Variants in RNF17 observed in about 807,000 individuals in gnomAD.
RNF17 encodes the protein spermatogenesis associated 23.
Under a neutral mutation model 200.5 loss-of-function variants are expected in RNF17, and 31 were observed. The observed-to-expected ratio is 0.15, with a 90% CI of 0.12 to 0.21. The LOEUF (loss-of-function observed/expected upper bound fraction) is 0.21, where lower values mean the gene tolerates loss of function less well. Among genes scored for constraint, RNF17 ranks in the 10% least tolerant of loss-of-function variants. RNF17 has a pLI of 1.00. For missense variants in RNF17, 1,628 were observed against 1,905.1 expected, an observed-to-expected ratio of 0.85 and a Z score of 2.71; for synonymous variants, 606 against 637.8, an observed-to-expected ratio of 0.95 and a Z score of 0.75.
At chr13:24,769,543 C>T (rs1250914982) in intron 2 of RNF17, among the ~76,000 whole-genome samples, 1 of 152,072 alleles carries the variant, frequency 6.6e-6, no homozygotes, top group Non-Finnish European at 1.5e-5. Context: ...TGTTATCACT[C>T]TTTTTAAACT....
At chr13:24,820,121 C>CT (rs200683421) in intron 15 of RNF17, among the ~76,000 whole-genome samples, 1,382 of 113,276 alleles carry the variant, frequency 0.012, 10 homozygotes, top group Non-Finnish European at 0.016. Context: ...TTTCTTTTTT[C>CT]TTTTTTTTTT....
intron 16 of RNF17, among the ~76,000 whole-genome samples, chr13:24,827,236 T>G (rs902520797): frequency 3.3e-5 from 5 of 152,090 alleles, no homozygotes; most frequent in Non-Finnish European, 5.9e-5. Context: ...CCGGGCAATT[T>G]TTTTTACTTT....
At chr13:24,885,249 T>TTCA in the RNF17 span, 1 of 1,394,672 alleles carries the variant, frequency 7.2e-7, no homozygotes, top group South Asian at 1.2e-5. Context: ...TTTTATAGAA[T>TTCA]TCATTATTTC....
rs142834337 is a variant in RNF17 at position 24,813,569 on chromosome 13, G to A, written c.2091+9140G>A. On this transcript the variant is annotated intron_variant, in intron 15 of 35. Coordinates refer to ENST00000255324, the MANE Select transcript of RNF17 (RefSeq NM_031277.3). Reference sequence around the variant, plus strand: ...ATATGACTTACAAATGCAGTTGATCGTTGAACAAGTGGTAGTGGTGGATAC... The same window carrying A: ...ATATGACTTACAAATGCAGTTGATCATTGAACAAGTGGTAGTGGTGGATAC... Among the ~76,000 whole-genome samples the A allele has an allele frequency of 1.5e-3, 228 of 152,192 alleles. 1 individual carries two copies. The highest frequency in any genetic ancestry group is 4.8e-3 in the African/African-American group (200 of 41,526).
intron 26 of RNF17, among the ~76,000 whole-genome samples, chr13:24,860,509 G>A (rs984016646): frequency 5.3e-5 from 8 of 151,972 alleles, no homozygotes; most frequent in Non-Finnish European, 1.0e-4. Flanking sequence ...CTAATTATCT[G>A]TGAGGTATTC....
chr13:24,820,121 C>CTTTTTTT (rs200683421), intron 15 of RNF17, among the ~76,000 whole-genome samples: 26 of 113,308 alleles, frequency 2.3e-4, no homozygotes, highest in Admixed American at 3.6e-4. Context: ...TTTCTTTTTT[C>CTTTTTTT]TTTTTTTTTT....
chr13:24,788,177 A>G lies in RNF17; in HGVS notation c.783+18A>G, dbSNP rs781216433. On this transcript the variant is annotated intron_variant, in intron 7 of 35. Coordinates refer to ENST00000255324, the MANE Select transcript of RNF17 (RefSeq NM_031277.3). The stretch of plus-strand genomic sequence containing the variant: ...TGAATCAGGTAATTTAATAGTTCAC[A>G]ATGTGAGTTATTTCTGTGGTAGCTT... The G allele has an allele frequency of 3.2e-6, 5 of 1,550,220 alleles. No individual in the cohort carries two copies. The African/African-American group carries it at 7.0e-5, about 22-fold the overall frequency.
At chr13:24,854,858 C>T (rs899948912) in intron 25 of RNF17, among the ~76,000 whole-genome samples, 5 of 152,048 alleles carry the variant, frequency 3.3e-5, no homozygotes, top group African/African-American at 1.2e-4. Flanking sequence ...ATTTAAATAA[C>T]AACATTAAGA....
intron 9 of RNF17, among the ~76,000 whole-genome samples, chr13:24,791,522 T>C (rs1266756190): frequency 1.3e-5 from 2 of 152,176 alleles, no homozygotes; most frequent in Non-Finnish European, 2.9e-5. Flanking sequence ...CTTAATTGGA[T>C]ATGAATGCTG....
chr13:24,789,496 C>T, intron 8 of RNF17, 72 bp downstream of exon 8: 1 of 1,138,256 alleles, frequency 8.8e-7, no homozygotes, highest in Non-Finnish European at 1.3e-6. Flanking sequence ...ATTAAAATAG[C>T]AAGTAATAAT....
Position 24,764,322 on chromosome 13 carries a change from C to G in RNF17, c.119C>G (p.Ser40Cys). The change falls in exon 1 of 36, where the codon TCC becomes TGC. Residue 40 changes from serine (S) to cysteine (C), a missense_variant. Ser to Cys is a moderately radical substitution (Grantham distance 112). Coordinates refer to ENST00000255324, the MANE Select transcript of RNF17 (RefSeq NM_031277.3). ...IQCTRCGRRV[S>C]RSSGHHCELQ... is the part of the protein sequence containing the mutation. ...TGCACCAGGTGTGGAAGGAGGGTAT[C>G]CAGATCATCCGGTGAGGAGCCCAAG... 1 of 1,603,886 alleles carries G rather than the reference C, an allele frequency of 6.2e-7. No homozygotes were observed. Among genetic ancestry groups the G allele is most frequent in the East Asian group, 2.2e-5 (1 of 44,570 alleles).
At chr13:24,880,351 G>A (rs1035783825), downstream of RNF17, among the ~76,000 whole-genome samples, 3 of 152,140 alleles carry the variant, frequency 2.0e-5, no homozygotes, top group Non-Finnish European at 2.9e-5. Context: ...CACCTCCCAC[G>A]AGGTCCCTCC....
At chr13:24,759,317 A>C (rs183913444), upstream of RNF17, among the ~76,000 whole-genome samples, 1 of 152,224 alleles carries the variant, frequency 6.6e-6, no homozygotes, top group Admixed American at 6.5e-5. Flanking sequence ...ATAACCCACA[A>C]ACACAATTTA....
At chr13:24,803,032 G>C (rs1885439544) in intron 14 of RNF17, among the ~76,000 whole-genome samples, 1 of 5,100 alleles carries the variant, frequency 2.0e-4, no homozygotes, top group Non-Finnish European at 6.8e-3. Flanking sequence ...TTGGGTGACA[G>C]AGTGAGACAC....
At chr13:24,836,065 G>A (rs748068768) in intron 18 of RNF17, among the ~76,000 whole-genome samples, 5 of 152,226 alleles carry the variant, frequency 3.3e-5, no homozygotes, top group African/African-American at 4.8e-5. Context: ...TTCAGAGCTC[G>A]AAAACAAGGT....
chr13:24,767,339 C>T lies in RNF17; in HGVS notation c.198C>T (p.Cys66=), dbSNP rs1402418619. 6.8e-6 allele frequency: 11 copies of T among 1,610,110 alleles called. No individual in the cohort carries two copies. Among genetic ancestry groups the T allele is most frequent in the Admixed American group, 5.0e-5 (3 of 59,980 alleles). ...TATGCTTGTTAATGACTGAAGAATG[C>T]ACCACAATTATATGCCCTGATTGTG... is the stretch of plus-strand genomic sequence containing the variant. The part of the protein sequence containing the change: ...CELCLLMTEE[C]TTIICPDCEV... The change falls in exon 2 of 36, where the codon TGC becomes TGT. Residue 66 remains cysteine (C), a synonymous_variant. Transcript: ENST00000255324.
chr13:24,853,876 C>T lies in RNF17; in HGVS notation c.3342C>T (p.Ser1114=). 2 of 1,607,100 alleles carry T rather than the reference C, an allele frequency of 1.2e-6. No homozygotes were observed. Among genetic ancestry groups the T allele is most frequent in the Middle Eastern group, 1.7e-4 (1 of 6,018 alleles). Residue 1114 remains serine, a synonymous_variant, in exon 25 of 36, where the codon AGC becomes AGT. Coordinates refer to ENST00000255324, the MANE Select transcript of RNF17 (RefSeq NM_031277.3). Reference sequence around the variant, plus strand: ...ACAGAATTAATAACTTAGATAACAGCCATTCATTATCTGAGAAGTCTCTGG... The same window carrying T: ...ACAGAATTAATAACTTAGATAACAGTCATTCATTATCTGAGAAGTCTCTGG... ...RERRINNLDN[S]HSLSEKSLEV... is the part of the protein sequence containing the mutation.
chr13:24,786,158 T>G (rs1157308106), intron 6 of RNF17, among the ~76,000 whole-genome samples: 1 of 152,192 alleles, frequency 6.6e-6, no homozygotes, highest in East Asian at 1.9e-4. Flanking sequence ...AAATTTTGAT[T>G]CCTTTCTCAT....
the RNF17 span, chr13:24,885,428 A>C: frequency 7.2e-7 from 1 of 1,388,260 alleles, no homozygotes; most frequent in Non-Finnish European, 1.0e-6. Flanking sequence ...ACCTACTCTT[A>C]CTTCCAAAGC....
Sources: gnomAD v4.1 joint callset for allele counts (sites outside exome capture counted in the v4.1 genomes callset) on GRCh38, gnomAD v4.1.1 for gene constraint, MANE v1.5 for transcripts, NCBI Gene and HGNC (gene_info 2026-07-23, HGNC 2026-07-21) for gene names.